Variants in PCCA observed in about 807,000 individuals in gnomAD.
The protein encoded by PCCA is propionyl-CoA carboxylase alpha chain, mitochondrial.
Under a neutral mutation model 101.3 loss-of-function variants are expected in PCCA, and 74 were observed. The ratio of observed to expected loss-of-function variants is 0.73; its 90% confidence interval spans 0.61 to 0.89. The LOEUF is 0.89. Ranked by LOEUF, PCCA falls within the 40% of genes least tolerant of loss-of-function variation. PCCA has a pLI of 0.00. For missense variants in PCCA, 891 were observed against 907.0 expected (o/e 0.98, Z 0.23); for synonymous variants, 294 against 313.6 (o/e 0.94, Z 0.66).
At chr13:100,435,627 G>A (rs2079873936) in intron 20 of PCCA, among the ~76,000 whole-genome samples, 1 of 152,306 alleles carries the variant, frequency 6.6e-6, no homozygotes, top group Non-Finnish European at 1.5e-5. Context: ...TACTGTCACT[G>A]GTAGAGGGTC....
At chr13:100,500,076 A>G (rs1182918515) in intron 21 of PCCA, among the ~76,000 whole-genome samples, 1 of 152,224 alleles carries the variant, frequency 6.6e-6, no homozygotes, top group Non-Finnish European at 1.5e-5. Context: ...CAAGAATGGA[A>G]TCTTACTTAC....
At chr13:100,220,889 G>A (rs902584877) in intron 7 of PCCA, among the ~76,000 whole-genome samples, 2 of 152,178 alleles carry the variant, frequency 1.3e-5, no homozygotes, top group Non-Finnish European at 2.9e-5. Flanking sequence ...ACAGCCTAAT[G>A]GTTGGCCATC....
chr13:100,341,531 A>G (rs944584589), intron 18 of PCCA, among the ~76,000 whole-genome samples: 11 of 152,202 alleles, frequency 7.2e-5, no homozygotes, highest in African/African-American at 2.4e-4. Context: ...CAACTGTTCC[A>G]TAGCCACGCG....
At chr13:100,352,102 G>C (rs1421779470) in intron 18 of PCCA, among the ~76,000 whole-genome samples, 1 of 152,028 alleles carries the variant, frequency 6.6e-6, no homozygotes. Context: ...AAGGAATAGA[G>C]GGAGAAAAAA....
intron 18 of PCCA, among the ~76,000 whole-genome samples, chr13:100,352,738 G>T (rs1184225618): frequency 6.6e-6 from 1 of 151,332 alleles, no homozygotes; most frequent in Non-Finnish European, 1.5e-5. Context: ...GTCTTGCTCT[G>T]TCACCCAGGC....
At chr13:100,204,991 A>G (rs2152470892) in intron 6 of PCCA, among the ~76,000 whole-genome samples, 1 of 152,212 alleles carries the variant, frequency 6.6e-6, no homozygotes, top group South Asian at 2.1e-4. Flanking sequence ...ATGATGAAAA[A>G]TGCCCACTTT....
At chr13:100,489,165 A>G (rs527626136) in intron 21 of PCCA, among the ~76,000 whole-genome samples, 135 of 152,064 alleles carry the variant, frequency 8.9e-4, no homozygotes, top group Non-Finnish European at 1.7e-3. Flanking sequence ...AAAATTAGCC[A>G]GGCGTGGTGG....
intron 21 of PCCA, among the ~76,000 whole-genome samples, chr13:100,488,770 C>T (rs574052311): frequency 8.7e-4 from 133 of 152,044 alleles, no homozygotes; most frequent in Non-Finnish European, 1.7e-3. Flanking sequence ...CGCATCACTG[C>T]ACTGCAATCT....
intron 4 of PCCA, among the ~76,000 whole-genome samples, chr13:100,120,170 C>A (rs991014064): frequency 6.0e-4 from 88 of 147,266 alleles, no homozygotes; most frequent in African/African-American, 2.3e-3. Context: ...GCCAGATTTT[C>A]AGATTACTTT....
chr13:100,167,550 A>G (rs556103619), intron 6 of PCCA, among the ~76,000 whole-genome samples: 46 of 152,268 alleles, frequency 3.0e-4, no homozygotes, highest in African/African-American at 1.1e-3. Flanking sequence ...ATGTGTCTCA[A>G]AATAATGAAT....
At chr13:100,359,107 A>AAG (rs1555432524) in intron 18 of PCCA, among the ~76,000 whole-genome samples, 2 of 151,608 alleles carry the variant, frequency 1.3e-5, no homozygotes, top group African/African-American at 2.4e-5. Context: ...AAAAAAAAAA[A>AAG]AAAAGAAAAA....
At chr13:100,518,545 A>G (rs2087004072) in intron 22 of PCCA, among the ~76,000 whole-genome samples, 1 of 152,214 alleles carries the variant, frequency 6.6e-6, no homozygotes, top group Admixed American at 6.5e-5. Flanking sequence ...GTTATATACT[A>G]TTTAACATTA....
At chr13:100,358,352 C>T (rs1247019562) in intron 18 of PCCA, among the ~76,000 whole-genome samples, 1 of 152,136 alleles carries the variant, frequency 6.6e-6, no homozygotes, top group Non-Finnish European at 1.5e-5. Flanking sequence ...ATAAAGACAA[C>T]TATAATCCAG....
intron 1 of PCCA, among the ~76,000 whole-genome samples, chr13:100,099,408 C>G (rs1050746446): frequency 6.6e-6 from 1 of 150,482 alleles, no homozygotes; most frequent in Non-Finnish European, 1.5e-5. Context: ...ACCTCTGCCT[C>G]CCGGGTTCAC....
chr13:100,111,832 T>C lies in PCCA; in HGVS notation c.184-9T>C. 1 of 1,598,086 alleles carries C rather than the reference T, an allele frequency of 6.3e-7. No individual in the cohort carries two copies. Among genetic ancestry groups the C allele is most frequent in the Non-Finnish European group, 8.6e-7 (1 of 1,167,188 alleles). On this transcript the variant is annotated splice_polypyrimidine_tract_variant and intron_variant, in intron 2 of 23. Transcript: ENST00000376285. ...CAATTTCTAATGAATGTGTTTTTTC[T>C]CTCTTCAGACTTTTGATAAAATTCT...
chr13:100,189,905 A>T (rs1001481612), intron 6 of PCCA, among the ~76,000 whole-genome samples: 1 of 152,216 alleles, frequency 6.6e-6, no homozygotes, highest in African/African-American at 2.4e-5. Flanking sequence ...ATCAATATAC[A>T]TGTTGTTAGT....
intron 4 of PCCA, among the ~76,000 whole-genome samples, chr13:100,151,367 G>A (rs1044699949): frequency 2.6e-5 from 4 of 152,132 alleles, no homozygotes; most frequent in Admixed American, 6.5e-5. Flanking sequence ...TGAGGTAGGC[G>A]GATCACCTGA....
intron 19 of PCCA, among the ~76,000 whole-genome samples, chr13:100,420,809 A>T (rs942040691): frequency 3.3e-5 from 5 of 150,744 alleles, no homozygotes; most frequent in East Asian, 1.9e-4. Flanking sequence ...AATGCAGTTT[A>T]AAAAAAACAG....
At chr13:100,264,446 A>G (rs765136214) in intron 10 of PCCA, among the ~76,000 whole-genome samples, 138 of 152,138 alleles carry the variant, frequency 9.1e-4, no homozygotes, top group Non-Finnish European at 1.7e-3. Context: ...TGCTGTTCCT[A>G]TCTGATGTCA....
Sources: gnomAD v4.1 joint callset for allele counts (sites outside exome capture counted in the v4.1 genomes callset) on GRCh38, gnomAD v4.1.1 for gene constraint, MANE v1.5 for transcripts, NCBI Gene and HGNC (gene_info 2026-07-23, HGNC 2026-07-21) for gene names.